Variants in COL3A1 observed in about 807,000 individuals in gnomAD.
The protein encoded by COL3A1 is collagen alpha-1(III) chain.
In COL3A1, 46 loss-of-function variants were observed where a neutral mutation model predicts 200.9. The observed-to-expected ratio is 0.23, with a 90% confidence interval of 0.18 to 0.29. The LOEUF (loss-of-function observed/expected upper bound fraction) is 0.29. COL3A1 is among the 10% of genes least tolerant of loss of function. COL3A1 has a pLI of 1.00. For missense variants in COL3A1, 1,367 were observed against 1,917.6 expected (o/e 0.71, Z 5.36); for synonymous variants, 650 against 628.0 (o/e 1.03, Z -0.52).
chr2:188,991,625 A>G, intron 12 of COL3A1, 44 bp from the exon 13 acceptor site: 2 of 1,611,784 alleles, frequency 1.2e-6, no homozygotes, highest in Non-Finnish European at 1.7e-6. Context: ...GTTCTTACAC[A>G]TGTCAAGATT....
intron 1 of COL3A1, among the ~76,000 whole-genome samples, chr2:188,982,683 G>C (rs556280562): frequency 5.9e-5 from 9 of 151,880 alleles, no homozygotes; most frequent in Admixed American, 3.9e-4. Flanking sequence ...TTTTGAGGAT[G>C]GATCTGGAGG....
At chr2:189,002,052 A>G (rs925989282) in intron 34 of COL3A1, among the ~76,000 whole-genome samples, 20 of 152,326 alleles carry the variant, frequency 1.3e-4, no homozygotes, top group Middle Eastern at 3.4e-3. Flanking sequence ...TGTGTTAAAT[A>G]CTTTAAAATT....
In COL3A1 at chr2:188,993,541, G is replaced by T. The variant is rs1351936219; in HGVS notation, c.1149+82G>T. 5 of 1,204,130 alleles carry T rather than the reference G, an allele frequency of 4.2e-6. No individual in the cohort carries two copies. The East Asian group carries it at 1.0e-4, about 25-fold the overall frequency. 74.6% of individuals were successfully genotyped at this position (1,204,130 alleles called of 1,614,324 possible). A position where few individuals can be genotyped will look rare whatever the true frequency, so the allele number is the denominator to read the frequency against. ...ATAGTTTCATGCTTACTCCATGAAA[G>T]CATGTGCTTCAATATGGCTATCAGT... On this transcript the variant is annotated intron_variant, in intron 16 of 50. Coordinates refer to ENST00000304636, the MANE Select transcript of COL3A1 (RefSeq NM_000090.4).
In COL3A1 at chr2:189,005,416, C is replaced by T; in HGVS notation, c.2998C>T (p.Leu1000Phe). ...GERGPPGPQGLPGLAGTAGEP... is the reference protein window; with the variant it reads ...GERGPPGPQGFPGLAGTAGEP... ...ACGTGGTCCCCCTGGACCCCAGGGT[C>T]TTCCTGGTCTGGCTGGTACAGCTGG... is the stretch of plus-strand genomic sequence containing the variant. The change falls in exon 41 of 51, where the codon CTT becomes TTT. Residue 1000 changes from leucine (L) to phenylalanine (F), a missense_variant. Coordinates refer to ENST00000304636, the MANE Select transcript of COL3A1 (RefSeq NM_000090.4). The T allele has an allele frequency of 6.2e-7, 1 of 1,614,058 alleles. No homozygotes were observed. Among genetic ancestry groups the T allele is most frequent in the Non-Finnish European group, 8.5e-7 (1 of 1,179,954 alleles).
intron 24 of COL3A1, 125 bp downstream of exon 24, chr2:188,996,621 A>C: frequency 1.3e-6 from 1 of 771,912 alleles, no homozygotes; most frequent in East Asian, 2.7e-5. Flanking sequence ...ATGAAAATCA[A>C]ATTGCATGTA....
rs1688322682 is a variant in COL3A1 at position 188,996,496 on chromosome 2, T to G, written c.1761T>G (p.Asp587Glu). The change falls in exon 24 of 51, where the codon GAT (aspartate) becomes GAG (glutamate). Residue 587 changes from aspartate to glutamate, a missense_variant and splice_region_variant. Asp to Glu is a conservative substitution (Grantham distance 45). This residue lies in a region of COL3A1 where 846 missense variants were observed against 1,147.9 expected (regional missense o/e 0.74). Transcript: ENST00000304636. ...GCTTCCCCGGTCCTAAAGGAAATGA[T>G]GTGAGTTCCTTCATTAATTTCTTCA... ...VMGFPGPKGN[D>E]GAPGKNGERG... 6.2e-7 allele frequency: 1 copy of G among 1,610,416 alleles called. No individual in the cohort carries two copies. The highest frequency in any genetic ancestry group is 8.5e-7 in the Non-Finnish European group (1 of 1,176,986).
Position 188,985,729 on chromosome 2 carries a change from G to A in COL3A1, c.398G>A (p.Gly133Asp). ...ATTCCAGGACAACCAGGGTCCCCTG[G>A]TTCTCCTGGCCCCCCTGGAATCTGT... The part of the protein sequence containing the change: ...PGIPGQPGSP[G>D]SPGPPGICES... Residue 133 changes from glycine (G) to aspartate (D), a missense_variant, in exon 4 of 51, where the codon GGT becomes GAT. This residue lies in a region of COL3A1 where 462 missense variants were observed against 681.4 expected (regional missense o/e 0.68). Coordinates refer to ENST00000304636, the MANE Select transcript of COL3A1 (RefSeq NM_000090.4). The A allele has an allele frequency of 1.2e-6, 2 of 1,611,792 alleles. No individual in the cohort carries two copies. Among genetic ancestry groups the A allele is most frequent in the Non-Finnish European group, 1.7e-6 (2 of 1,178,920 alleles).
chr2:188,994,668 C>T lies in COL3A1; in HGVS notation c.1348-56C>T, dbSNP rs778055661. The T allele has an allele frequency of 4.3e-6, 7 of 1,611,436 alleles. No individual in the cohort carries two copies. The highest frequency in any genetic ancestry group is 5.1e-6 in the Non-Finnish European group (6 of 1,178,066). ...TAATTAGAAAGTAAACAGGTAAAAACTTTGAACTAAATTCAGTCATAATTT... is the reference window on the plus strand; with the variant it reads ...TAATTAGAAAGTAAACAGGTAAAAATTTTGAACTAAATTCAGTCATAATTT... On this transcript the variant is annotated intron_variant, in intron 19 of 50. Coordinates refer to ENST00000304636, the MANE Select transcript of COL3A1 (RefSeq NM_000090.4). The surrounding 1 kb of genome is among the most constrained non-coding windows in gnomAD (Gnocchi z 4.5).
Position 189,003,082 on chromosome 2 carries a change from T to C in COL3A1, c.2553+20T>C. 6.7e-7 allele frequency: 1 copy of C among 1,495,636 alleles called. No homozygotes were observed. Among genetic ancestry groups the C allele is most frequent in the Non-Finnish European group, 9.1e-7 (1 of 1,096,084 alleles). 92.6% of individuals were successfully genotyped at this position (1,495,636 alleles called of 1,614,324 possible). ...CCTGCTGTAAGTTCCTTCCTCTTTC[T>C]CTGTCTATCTATCTATCATCTATCT... On this transcript the variant is annotated intron_variant, in intron 36 of 50. Coordinates refer to ENST00000304636, the MANE Select transcript of COL3A1 (RefSeq NM_000090.4).
intron 34 of COL3A1, among the ~76,000 whole-genome samples, chr2:189,001,968 T>C (rs946306561): frequency 6.6e-6 from 1 of 152,210 alleles, no homozygotes; most frequent in African/African-American, 2.4e-5. Context: ...AAATGGTTTT[T>C]AAAAATAAAT....
At position 188,993,401 on chromosome 2, in the gene COL3A1, C is replaced by T; in HGVS notation, c.1091C>T (p.Ala364Val). The T allele has an allele frequency of 6.4e-7, 1 of 1,569,606 alleles. No individual in the cohort carries two copies. Among genetic ancestry groups the T allele is most frequent in the Non-Finnish European group, 8.6e-7 (1 of 1,156,070 alleles). ...GCAGGGTCTCCTGGTTCAAATGGTG[C>T]CCCTGGACAAAGAGGAGAACCTGGA... is the stretch of plus-strand genomic sequence containing the variant. Reference protein sequence around the residue: ...GPAGSPGSNGAPGQRGEPGPQ... With the variant: ...GPAGSPGSNGVPGQRGEPGPQ... Residue 364 changes from alanine to valine, a missense_variant, in exon 16 of 51, where the codon GCC becomes GTC. Ala to Val is a moderately conservative substitution (Grantham distance 64, BLOSUM62 0). Transcript: ENST00000304636.
intron 6 of COL3A1, 72 bp from the exon 7 acceptor site, chr2:188,988,518 T>C (rs1688109738): frequency 1.9e-6 from 2 of 1,065,292 alleles, no homozygotes; most frequent in Non-Finnish European, 2.8e-6. Flanking sequence ...CCTGATTTCT[T>C]ACTGTCAAGA....
At position 188,987,067 on chromosome 2, in the gene COL3A1, T is replaced by A. The variant is rs767734691; in HGVS notation, c.456T>A (p.Ser152=). 1 of 1,612,368 alleles carries A rather than the reference T, an allele frequency of 6.2e-7. No individual in the cohort carries two copies. The highest frequency in any genetic ancestry group is 1.1e-5 in the South Asian group (1 of 91,050). Residue 152 remains serine, a synonymous_variant, in exon 5 of 51, where the codon TCT becomes TCA. Coordinates refer to ENST00000304636, the MANE Select transcript of COL3A1 (RefSeq NM_000090.4). The part of the protein sequence containing the change: ...ESCPTGPQNY[S]PQYDSYDVKS... ...TTGTCTCCTTGCCACAGAACTATTC[T>A]CCCCAGTATGATTCATATGATGTCA...
chr2:188,992,326 T>C lies in COL3A1; in HGVS notation c.996+98T>C, dbSNP rs957008365. 1.8e-5 allele frequency: 18 copies of C among 998,910 alleles called. No homozygotes were observed. The East Asian group carries it at 1.8e-4, about 10-fold the overall frequency. The allele number at this position is 998,910 out of a possible 1,614,324, so 61.9% of individuals were successfully genotyped here. A position where few individuals can be genotyped will look rare whatever the true frequency, so the allele number is the denominator to read the frequency against. On this transcript the variant is annotated intron_variant, in intron 14 of 50. Coordinates refer to ENST00000304636, the MANE Select transcript of COL3A1 (RefSeq NM_000090.4). ...ATATATGTATATACTCTTAGGTATA[T>C]ATATATGCATATGTATATCTCTAAT... is the stretch of plus-strand genomic sequence containing the variant.
intron 40 of COL3A1, among the ~76,000 whole-genome samples, chr2:189,005,038 A>G (rs1276883749): frequency 6.6e-6 from 1 of 152,140 alleles, no homozygotes; most frequent in Non-Finnish European, 1.5e-5. Flanking sequence ...TAGTTTCATG[A>G]TGGCTCATTA....
chr2:189,003,956 T>C (rs776409060), intron 38 of COL3A1, 26 bp from the exon 39 acceptor site: 1 of 1,582,934 alleles, frequency 6.3e-7, no homozygotes, highest in Non-Finnish European at 8.6e-7. Flanking sequence ...ATTATAAATA[T>C]TCAAATTTCA....
In COL3A1 at chr2:188,984,947, A is replaced by G. The variant is rs998965783; in HGVS notation, c.267A>G (p.Pro89=). ...IPFGECCAVC[P]QPPTAPTRPP... ...TTGGAGAATGTTGTGCAGTTTGCCC[A>G]CAGCCTCCAACTGCTGTGAGTTTAA... Residue 89 remains proline (P), a synonymous_variant, in exon 2 of 51, where the codon CCA becomes CCG. Transcript: ENST00000304636. 5.6e-6 allele frequency: 9 copies of G among 1,612,906 alleles called. No homozygotes were observed. Among genetic ancestry groups the G allele is most frequent in the Non-Finnish European group, 5.9e-6 (7 of 1,179,296 alleles).
rs996543982 is a variant in COL3A1 at position 189,006,199 on chromosome 2, T to C, written c.3040-7T>C. ...AAATTTTATTTCCTTTCTCATTTTT[T>C]AATCAGGGAAACCCTGGATCAGATG... On this transcript the variant is annotated splice_polypyrimidine_tract_variant and splice_region_variant and intron_variant, in intron 41 of 50. Transcript: ENST00000304636. The C allele has an allele frequency of 2.5e-6, 4 of 1,614,200 alleles. No individual in the cohort carries two copies. Among genetic ancestry groups the C allele is most frequent in the East Asian group, 2.2e-5 (1 of 44,892 alleles).
chr2:189,006,230 C>T lies in COL3A1; in HGVS notation c.3064C>T (p.Pro1022Ser), dbSNP rs746474581. The part of the protein sequence containing the change: ...RDGNPGSDGL[P>S]GRDGSPGGKG... ...GGGAAACCCTGGATCAGATGGTCTT[C>T]CAGGCCGAGATGGATCTCCTGGTGG... The change falls in exon 42 of 51, where the codon CCA (proline) becomes TCA (serine). Residue 1022 changes from proline (P) to serine (S), a missense_variant. Around this residue, in one of 5 missense-constraint regions of COL3A1, gnomAD observed 846 missense variants for 1,147.9 expected, o/e 0.74. Transcript: ENST00000304636. 7 of 1,614,198 alleles carry T rather than the reference C, an allele frequency of 4.3e-6. No individual in the cohort carries two copies. The highest frequency in any genetic ancestry group is 4.5e-5 in the East Asian group (2 of 44,894).
Sources: allele counts gnomAD v4.1 joint callset (sites outside exome capture counted in the v4.1 genomes callset), GRCh38; gene constraint gnomAD v4.1.1; regional missense constraint gnomAD v4.1.1; non-coding constraint Gnocchi (gnomAD v3.1); transcripts MANE v1.5; gene names NCBI Gene and HGNC (gene_info 2026-07-23, HGNC 2026-07-21).